CDH5: variants seen among roughly 807,000 people sequenced by gnomAD.
The protein encoded by CDH5 is cadherin-5.
CDH5 carries 28 observed loss-of-function variants against 62.0 expected under a neutral mutation model. The observed-to-expected ratio is 0.45, with a 90% CI of 0.33 to 0.62. The LOEUF (loss-of-function observed/expected upper bound fraction) is 0.62, where lower values mean the gene tolerates loss of function less well. Among genes scored for constraint, CDH5 ranks in the 20% least tolerant of loss-of-function variants. CDH5 has a pLI of 0.02. For synonymous variants in CDH5, 464 were observed against 445.8 expected (o/e 1.04, Z -0.52); for missense variants, 940 against 1,065.1 (o/e 0.88, Z 1.63).
chr16:66,391,345 G>A (rs1392525679), intron 6 of CDH5, among the ~76,000 whole-genome samples: 1 of 152,124 alleles, frequency 6.6e-6, no homozygotes, highest in Non-Finnish European at 1.5e-5. Flanking sequence ...GCTCTGAACA[G>A]GGAGCAATTA....
In CDH5 at chr16:66,386,947, C is replaced by A; in HGVS notation, c.349C>A (p.His117Asn). Residue 117 changes from histidine to asparagine, a missense_variant, in exon 3 of 12, where the codon CAC becomes AAC. His to Asn is a moderately conservative substitution (Grantham distance 68). Coordinates refer to ENST00000341529, the MANE Select transcript of CDH5 (RefSeq NM_001795.5). ...GGACCGGGAGAATATCTCAGAGTAC[C>A]ACCTCACTGCTGTCATTGTGGACAA... ...RLDRENISEYHLTAVIVDKDT... is the reference protein window; with the variant it reads ...RLDRENISEYNLTAVIVDKDT... The A allele has an allele frequency of 6.2e-7, 1 of 1,614,210 alleles. No individual in the cohort carries two copies. The highest frequency in any genetic ancestry group is 8.5e-7 in the Non-Finnish European group (1 of 1,180,040).
chr16:66,378,907 C>T (rs1960832446), intron 1 of CDH5, among the ~76,000 whole-genome samples: 1 of 152,208 alleles, frequency 6.6e-6, no homozygotes, highest in African/African-American at 2.4e-5. Context: ...AAGCTGCTCA[C>T]ACCCTTAGGC....
intron 8 of CDH5, among the ~76,000 whole-genome samples, chr16:66,397,245 G>T (rs528004276): frequency 3.0e-4 from 45 of 151,988 alleles, no homozygotes; most frequent in South Asian, 1.5e-3. Flanking sequence ...AGAGAAACAG[G>T]GTCTCACTCT....
In CDH5 at chr16:66,387,134, C is replaced by A. The variant is rs191852660; in HGVS notation, c.499+37C>A. On this transcript the variant is annotated intron_variant, in intron 3 of 11. Transcript: ENST00000341529. ...GCCCACTCTGTCCTCCTCCCTCCCTCATCCCCAGCCTGGGGGCACCTCTCA... is the reference window on the plus strand; with the variant it reads ...GCCCACTCTGTCCTCCTCCCTCCCTAATCCCCAGCCTGGGGGCACCTCTCA... 2.8e-4 allele frequency: 435 copies of A among 1,579,120 alleles called. No individual in the cohort carries two copies. In the African/African-American group the frequency reaches 5.2e-3, roughly 19 times the overall value.
chr16:66,396,929 G>C (rs1031713286), intron 8 of CDH5, among the ~76,000 whole-genome samples: 3 of 152,082 alleles, frequency 2.0e-5, no homozygotes, highest in Admixed American at 2.0e-4. Flanking sequence ...ATGGACTCCT[G>C]CATGTTTGGC....
At chr16:66,374,920 T>G (rs1960757866) in intron 1 of CDH5, among the ~76,000 whole-genome samples, 1 of 152,056 alleles carries the variant, frequency 6.6e-6, no homozygotes. Context: ...TTACATTAGG[T>G]GTATCTCCTA....
chr16:66,397,870 C>G (rs1462505401), intron 8 of CDH5, 112 bp from the exon 9 acceptor site: 11 of 1,213,814 alleles, frequency 9.1e-6, no homozygotes, highest in Non-Finnish European at 9.6e-6. Flanking sequence ...TGTTCCACAG[C>G]CTCCTCCTGC....
At chr16:66,378,189 G>A (rs1960819473) in intron 1 of CDH5, among the ~76,000 whole-genome samples, 1 of 152,204 alleles carries the variant, frequency 6.6e-6, no homozygotes, top group African/African-American at 2.4e-5. Flanking sequence ...ACAGAATCAA[G>A]GCAAAATTGT....
intron 1 of CDH5, among the ~76,000 whole-genome samples, chr16:66,368,604 C>T (rs931014148): frequency 6.6e-6 from 1 of 152,212 alleles, no homozygotes; most frequent in Admixed American, 6.5e-5. Flanking sequence ...CACATGGACC[C>T]ATGACTGTTC....
chr16:66,367,206 T>C (rs1960603001), intron 1 of CDH5, among the ~76,000 whole-genome samples: 1 of 152,126 alleles, frequency 6.6e-6, no homozygotes, highest in African/African-American at 2.4e-5. Context: ...CCCCTACCCA[T>C]ACGCCACTAA....
Position 66,403,070 on chromosome 16 carries a change from C to CT in CDH5, c.2257dup (p.Ser753PhefsTer2). 6.2e-7 allele frequency: 1 copy of CT among 1,613,800 alleles called. No homozygotes were observed. The highest frequency in any genetic ancestry group is 8.5e-7 in the Non-Finnish European group (1 of 1,179,934). Reference sequence around the variant, plus strand: ...GCTCCCTGGGCACCGACTCATCCGACTCTGACGTGGATTACGACTTCCTTA... The same window carrying CT: ...GCTCCCTGGGCACCGACTCATCCGACTTCTGACGTGGATTACGACTTCCTTA... On this transcript the variant is annotated frameshift_variant, in exon 12 of 12. Transcript: ENST00000341529. LOFTEE classifies it high-confidence loss of function. This position sits in a 1 kb window ranked among gnomAD's most constrained non-coding sequence, Gnocchi z 4.3.
intron 8 of CDH5, among the ~76,000 whole-genome samples, chr16:66,397,344 T>G (rs1961203489): frequency 6.6e-6 from 1 of 152,132 alleles, no homozygotes; most frequent in African/African-American, 2.4e-5. Flanking sequence ...CTCAGCCTCC[T>G]GAGCAGCTGG....
chr16:66,402,778 C>T lies in CDH5; in HGVS notation c.1964C>T (p.Thr655Ile). The change falls in exon 12 of 12, where the codon ACC (threonine) becomes ATC (isoleucine). Residue 655 changes from threonine to isoleucine, a missense_variant. Thr to Ile is a moderately conservative substitution (Grantham distance 89). Transcript: ENST00000341529. ...GAGGAGGGCGGCGGCGAGATGGACA[C>T]CACCAGCTACGATGTGTCGGTGCTC... is the stretch of plus-strand genomic sequence containing the variant. ...YDEEGGGEMD[T>I]TSYDVSVLNS... The T allele has an allele frequency of 6.2e-7, 1 of 1,606,944 alleles. No individual in the cohort carries two copies. Among genetic ancestry groups the T allele is most frequent in the Non-Finnish European group, 8.5e-7 (1 of 1,177,662 alleles).
Position 66,390,455 on chromosome 16 carries a change from C to A in CDH5, c.834C>A (p.Gly278=). 1 of 1,614,092 alleles carries A rather than the reference C, an allele frequency of 6.2e-7. No individual in the cohort carries two copies. Among genetic ancestry groups the A allele is most frequent in the African/African-American group, 1.3e-5 (1 of 75,018 alleles). The stretch of plus-strand genomic sequence containing the variant: ...ACACCCGTGTGGGCACCTCTGTGGG[C>A]TCTCTGTTTGTTGAGGACCCAGATG... ...PEDTRVGTSV[G]SLFVEDPDEP... Residue 278 remains glycine (G), a synonymous_variant, in exon 6 of 12, where the codon GGC becomes GGA. Transcript: ENST00000341529.
At chr16:66,375,730 C>T (rs1960773105) in intron 1 of CDH5, among the ~76,000 whole-genome samples, 1 of 150,848 alleles carries the variant, frequency 6.6e-6, no homozygotes, top group South Asian at 2.1e-4. Context: ...ACTAAATTTA[C>T]TTAAAAATAT....
intron 10 of CDH5, among the ~76,000 whole-genome samples, chr16:66,398,937 C>A (rs1243046767): frequency 6.6e-6 from 1 of 152,206 alleles, no homozygotes; most frequent in East Asian, 1.9e-4. Context: ...TCCATCCAAA[C>A]TCCCAAGTCC....
chr16:66,375,189 C>G (rs1429260265), intron 1 of CDH5, among the ~76,000 whole-genome samples: 1 of 152,150 alleles, frequency 6.6e-6, no homozygotes, highest in Admixed American at 6.5e-5. Context: ...TTTAACACGA[C>G]AGCAAGTATT....
intron 1 of CDH5, among the ~76,000 whole-genome samples, chr16:66,373,486 A>G (rs1052373259): frequency 6.7e-6 from 1 of 150,238 alleles, no homozygotes; most frequent in African/African-American, 2.5e-5. Flanking sequence ...CAGGATCTCA[A>G]CTCACTGCAA....
chr16:66,398,840 C>T (rs1961234842), intron 10 of CDH5, among the ~76,000 whole-genome samples: 1 of 152,196 alleles, frequency 6.6e-6, no homozygotes, highest in African/African-American at 2.4e-5. Flanking sequence ...AGGGCAGGCT[C>T]CCACTGGGAT....
Sources: gnomAD v4.1 joint callset for allele counts (sites outside exome capture counted in the v4.1 genomes callset) on GRCh38, gnomAD v4.1.1 for gene constraint, Gnocchi (gnomAD v3.1) non-coding constraint, MANE v1.5 for transcripts, NCBI Gene and HGNC (gene_info 2026-07-23, HGNC 2026-07-21) for gene names.